Variants in GRIP1 observed in about 807,000 individuals in gnomAD.
GRIP1 encodes glutamate receptor-interacting protein 1.
In GRIP1, 45 loss-of-function variants were observed where a neutral mutation model predicts 129.9. The observed-to-expected ratio is 0.35, with a 90% CI of 0.27 to 0.44. The LOEUF is 0.44. Ranked by LOEUF, GRIP1 falls within the 20% of genes least tolerant of loss-of-function variation. GRIP1 has a pLI of 1.00. For synonymous variants in GRIP1, 530 were observed against 520.8 expected (o/e 1.02, Z -0.24); for missense variants, 1,196 against 1,396.8 (o/e 0.86, Z 2.29).
At chr12:66,771,362 G>A (rs920442983) in intron 1 of GRIP1, among the ~76,000 whole-genome samples, 1 of 152,106 alleles carries the variant, frequency 6.6e-6, no homozygotes, top group African/African-American at 2.4e-5. Flanking sequence ...ATATTTAAAT[G>A]TATATCTTGA....
chr12:66,667,360 G>A (rs1455943970), intron 1 of GRIP1, among the ~76,000 whole-genome samples: 3 of 152,116 alleles, frequency 2.0e-5, no homozygotes, highest in Non-Finnish European at 4.4e-5. Flanking sequence ...CTTCTTGAAT[G>A]CAATATTCAC....
chr12:66,530,665 A>G (rs2061408923), intron 4 of GRIP1, among the ~76,000 whole-genome samples: 2 of 152,124 alleles, frequency 1.3e-5, no homozygotes, highest in South Asian at 4.1e-4. Context: ...TTACTAAAAT[A>G]TTCTGTAAGA....
At chr12:66,849,350 A>G (rs1309197792) in intron 1 of GRIP1, among the ~76,000 whole-genome samples, 1 of 152,150 alleles carries the variant, frequency 6.6e-6, no homozygotes, top group Non-Finnish European at 1.5e-5. Flanking sequence ...CTTTCTCTCT[A>G]AACATCTACT....
At chr12:66,867,698 T>G (rs4913308) in intron 1 of GRIP1, among the ~76,000 whole-genome samples, 2 of 152,000 alleles carry the variant, frequency 1.3e-5, no homozygotes, top group African/African-American at 4.8e-5. Context: ...AATGGCACTT[T>G]AAAAACACCC....
At chr12:67,027,409 T>C (rs965729072) in intron 1 of GRIP1, among the ~76,000 whole-genome samples, 2 of 152,242 alleles carry the variant, frequency 1.3e-5, no homozygotes, top group Non-Finnish European at 2.9e-5. Flanking sequence ...TGCAGCCACC[T>C]ACCAGTCCGT....
upstream of GRIP1, chr12:67,069,200 G>A (rs1477637636): frequency 4.0e-6 from 3 of 756,876 alleles, no homozygotes; most frequent in Non-Finnish European, 4.8e-6. Context: ...GTCCTCTAGG[G>A]CAGCCGCGCC....
intron 1 of GRIP1, among the ~76,000 whole-genome samples, chr12:66,944,739 C>T (rs2041639221): frequency 6.6e-6 from 1 of 152,174 alleles, no homozygotes; most frequent in African/African-American, 2.4e-5. Flanking sequence ...GGCCATTTCA[C>T]ACCCTTTCCT....
At chr12:66,607,960 C>A (rs567013341) in intron 1 of GRIP1, among the ~76,000 whole-genome samples, 1 of 152,218 alleles carries the variant, frequency 6.6e-6, no homozygotes, top group South Asian at 2.1e-4. Flanking sequence ...TAAGAGCAGG[C>A]CAGTGTCATT....
At chr12:66,471,881 C>A (rs2059448879) in intron 7 of GRIP1, among the ~76,000 whole-genome samples, 1 of 152,180 alleles carries the variant, frequency 6.6e-6, no homozygotes, top group Non-Finnish European at 1.5e-5. Context: ...ATGTATTGGT[C>A]AACATGATCT....
intron 1 of GRIP1, among the ~76,000 whole-genome samples, chr12:66,748,027 A>AT (rs1390500044): frequency 2.0e-5 from 3 of 150,058 alleles, no homozygotes; most frequent in South Asian, 2.1e-4. Flanking sequence ...GTGTGTGTGT[A>AT]TTTTTTTTTG....
intron 1 of GRIP1, among the ~76,000 whole-genome samples, chr12:66,799,385 A>AT (rs2038794259): frequency 1.3e-5 from 2 of 152,198 alleles, no homozygotes; most frequent in East Asian, 3.9e-4. Context: ...TTCATTCGGG[A>AT]TTTTTTGAGT....
At chr12:66,832,051 TC>T (rs2039529284) in intron 1 of GRIP1, among the ~76,000 whole-genome samples, 1 of 152,152 alleles carries the variant, frequency 6.6e-6, no homozygotes, top group Admixed American at 6.5e-5. Flanking sequence ...CTGCAAAAGA[TC>T]AAGACAAGTT....
chr12:66,770,529 T>C (rs928295134), intron 1 of GRIP1, among the ~76,000 whole-genome samples: 7 of 152,034 alleles, frequency 4.6e-5, no homozygotes, highest in Non-Finnish European at 2.9e-5. Flanking sequence ...TTATGGGAAA[T>C]AGCAAGCTGA....
At chr12:66,454,076 C>T (rs1224914890) in intron 11 of GRIP1, among the ~76,000 whole-genome samples, 1 of 152,204 alleles carries the variant, frequency 6.6e-6, no homozygotes, top group African/African-American at 2.4e-5. Context: ...ATGTGCAAGT[C>T]TAAATCATGT....
intron 9 of GRIP1, among the ~76,000 whole-genome samples, chr12:66,461,852 T>C (rs376432695): frequency 2.4e-4 from 37 of 152,302 alleles, no homozygotes; most frequent in African/African-American, 7.9e-4. Flanking sequence ...TGTCTAAATA[T>C]ACAGAAATGC....
chr12:66,758,809 T>C (rs987235465), intron 1 of GRIP1, among the ~76,000 whole-genome samples: 9 of 152,162 alleles, frequency 5.9e-5, no homozygotes, highest in African/African-American at 1.9e-4. Context: ...CGCCTTTGAC[T>C]CCAGGTCTCA....
chr12:66,403,222 C>T (rs1006688767), intron 16 of GRIP1, among the ~76,000 whole-genome samples: 3 of 152,092 alleles, frequency 2.0e-5, no homozygotes, highest in African/African-American at 7.2e-5. Flanking sequence ...GATTTTTGTG[C>T]ACCCATCACC....
intron 1 of GRIP1, among the ~76,000 whole-genome samples, chr12:67,000,791 C>A (rs2042539989): frequency 2.6e-5 from 4 of 152,094 alleles, no homozygotes; most frequent in Admixed American, 2.6e-4. Flanking sequence ...TGAATTTTCC[C>A]CAAGTTCATG....
At chr12:66,820,148 C>G (rs1372993501) in intron 1 of GRIP1, among the ~76,000 whole-genome samples, 1 of 152,140 alleles carries the variant, frequency 6.6e-6, no homozygotes, top group African/African-American at 2.4e-5. Flanking sequence ...CGGTGGCTCA[C>G]GCCTGTAATC....
Sources: gnomAD v4.1 joint callset for allele counts (sites outside exome capture counted in the v4.1 genomes callset) on GRCh38, gnomAD v4.1.1 for gene constraint, MANE v1.5 for transcripts, NCBI Gene and HGNC (gene_info 2026-07-23, HGNC 2026-07-21) for gene names.